COL14A1: variants seen among roughly 807,000 people sequenced by gnomAD.
The protein encoded by COL14A1 is collagen type XIV alpha 1 chain, also known as collagen alpha-1(XIV) chain.
A neutral mutation model predicts 230.3 loss-of-function variants in COL14A1; 136 were observed. The observed-to-expected ratio is 0.59, with a 90% CI of 0.51 to 0.68. The LOEUF (loss-of-function observed/expected upper bound fraction) is 0.68. COL14A1 is among the 30% of genes least tolerant of loss of function. COL14A1 has a pLI of 0.00. For synonymous variants in COL14A1, 792 were observed against 784.1 expected (o/e 1.01, Z -0.17); for missense variants, 1,976 against 2,215.8 (o/e 0.89, Z 2.17).
intron 14 of COL14A1, among the ~76,000 whole-genome samples, chr8:120,224,822 T>A (rs1818044444): frequency 6.6e-6 from 1 of 152,196 alleles, no homozygotes; most frequent in Non-Finnish European, 1.5e-5. Flanking sequence ...TATCTCTATT[T>A]ATGTCTGCCT....
At chr8:120,187,003 T>C (rs1395600435) in intron 5 of COL14A1, among the ~76,000 whole-genome samples, 2 of 152,168 alleles carry the variant, frequency 1.3e-5, no homozygotes, top group African/African-American at 4.8e-5. Context: ...GAGTTCCATC[T>C]AAGGACAGTA....
chr8:120,253,275 C>T (rs527690068), intron 22 of COL14A1, among the ~76,000 whole-genome samples: 4 of 152,246 alleles, frequency 2.6e-5, no homozygotes, highest in African/African-American at 7.2e-5. Context: ...TCTCAAAGTG[C>T]TGGGATTACA....
chr8:120,325,892 G>T (rs1821649711), intron 40 of COL14A1, among the ~76,000 whole-genome samples: 1 of 152,128 alleles, frequency 6.6e-6, no homozygotes, highest in Non-Finnish European at 1.5e-5. Context: ...GAAAGGTTTT[G>T]GGACGTGCAA....
intron 14 of COL14A1, among the ~76,000 whole-genome samples, chr8:120,224,021 TC>T (rs369208316): frequency 2.4e-4 from 30 of 122,512 alleles, no homozygotes; most frequent in African/African-American, 9.4e-4. Context: ...TGCCCTCATC[TC>T]CTTTTTTTTT....
At chr8:120,191,069 T>C (rs1236549312) in intron 5 of COL14A1, among the ~76,000 whole-genome samples, 31 of 141,284 alleles carry the variant, frequency 2.2e-4, no homozygotes, top group Non-Finnish European at 4.0e-4. Context: ...ATTTTAGTTA[T>C]TTCTTGCCTT....
chr8:120,341,694 A>C (rs1402183250), intron 43 of COL14A1, among the ~76,000 whole-genome samples: 1 of 152,226 alleles, frequency 6.6e-6, no homozygotes, highest in East Asian at 1.9e-4. Flanking sequence ...AATAGATGTG[A>C]AAAGGCTTCA....
At chr8:120,291,555 A>G (rs1820376328) in intron 34 of COL14A1, among the ~76,000 whole-genome samples, 1 of 119,000 alleles carries the variant, frequency 8.4e-6, no homozygotes. Context: ...GCAAGACTCC[A>G]TCTCAAAAAA....
chr8:120,360,282 T>C (rs983193467), intron 45 of COL14A1, among the ~76,000 whole-genome samples: 5 of 152,050 alleles, frequency 3.3e-5, no homozygotes, highest in African/African-American at 1.2e-4. Context: ...CGACTTGGGG[T>C]TCCTCTTGAA....
intron 37 of COL14A1, among the ~76,000 whole-genome samples, chr8:120,310,742 A>G (rs1821009175): frequency 6.6e-6 from 1 of 152,218 alleles, no homozygotes; most frequent in Admixed American, 6.5e-5. Context: ...TAACATTTCG[A>G]TTGATTCTTC....
intron 13 of COL14A1, among the ~76,000 whole-genome samples, chr8:120,213,579 A>G (rs1211548523): frequency 6.6e-6 from 1 of 152,246 alleles, no homozygotes; most frequent in African/African-American, 2.4e-5. Flanking sequence ...AGCCCAAGAA[A>G]GAAAAAGAAA....
chr8:120,187,129 A>G (rs900857368), intron 5 of COL14A1, among the ~76,000 whole-genome samples: 2 of 152,220 alleles, frequency 1.3e-5, no homozygotes, highest in Non-Finnish European at 2.9e-5. Flanking sequence ...TTCACTGACT[A>G]TGTTGATAAA....
At chr8:120,370,391 C>T in intron 47 of COL14A1, 1 of 1,610,612 alleles carries the variant, frequency 6.2e-7, no homozygotes, top group Non-Finnish European at 8.5e-7. Context: ...CACTCTGGTT[C>T]CATTGGCCCC....
intron 5 of COL14A1, among the ~76,000 whole-genome samples, chr8:120,176,531 G>A (rs1816287326): frequency 6.6e-6 from 1 of 152,120 alleles, no homozygotes; most frequent in African/African-American, 2.4e-5. Context: ...AGCTATTGTG[G>A]GACTTAGATC....
intron 1 of COL14A1, among the ~76,000 whole-genome samples, chr8:120,140,564 T>C (rs905313961): frequency 7.9e-5 from 12 of 152,282 alleles, no homozygotes; most frequent in African/African-American, 2.6e-4. Flanking sequence ...AAGTTTATGG[T>C]TTATTTTTTG....
intron 5 of COL14A1, among the ~76,000 whole-genome samples, chr8:120,194,560 A>G (rs1392478511): frequency 6.6e-6 from 1 of 152,182 alleles, no homozygotes; most frequent in African/African-American, 2.4e-5. Context: ...TTTAGGAGCT[A>G]TACAGAATTT....
chr8:120,196,992 A>G, intron 6 of COL14A1, 46 bp downstream of exon 6: 1 of 1,575,240 alleles, frequency 6.3e-7, no homozygotes, highest in South Asian at 1.2e-5. Flanking sequence ...TCAGTGCAAA[A>G]CTGCTGGGAA....
chr8:120,306,383 G>GA (rs1365413348), intron 36 of COL14A1, among the ~76,000 whole-genome samples: 1 of 151,978 alleles, frequency 6.6e-6, no homozygotes, highest in Non-Finnish European at 1.5e-5. Context: ...TGTAAAATGA[G>GA]AAAAAAGCAA....
At chr8:120,182,641 A>G (rs948280328) in intron 5 of COL14A1, among the ~76,000 whole-genome samples, 8 of 152,132 alleles carry the variant, frequency 5.3e-5, no homozygotes, top group Non-Finnish European at 1.0e-4. Flanking sequence ...TCTTGGGTCA[A>G]TATTAACTTA....
At chr8:120,248,713 A>C (rs974215061) in intron 21 of COL14A1, among the ~76,000 whole-genome samples, 1 of 151,826 alleles carries the variant, frequency 6.6e-6, no homozygotes, top group Non-Finnish European at 1.5e-5. Context: ...AAAATTAGCC[A>C]GGCATGGTGG....
Sources: gnomAD v4.1 joint callset for allele counts (sites outside exome capture counted in the v4.1 genomes callset) on GRCh38, gnomAD v4.1.1 for gene constraint, MANE v1.5 for transcripts, NCBI Gene and HGNC (gene_info 2026-07-23, HGNC 2026-07-21) for gene names.